The following BACH2 variants were observed in gnomAD, a reference collection of about 807,000 sequenced individuals.
BACH2 encodes transcription regulator protein BACH2.
BACH2 carries 5 observed loss-of-function variants against 61.8 expected under a neutral mutation model. That is an observed-to-expected ratio of 0.08 (90% CI 0.04 to 0.17). BACH2 has a LOEUF of 0.17. Among genes scored for constraint, BACH2 ranks in the 10% least tolerant of loss-of-function variants. BACH2 has a pLI of 1.00. For missense variants in BACH2, 824 were observed against 1,091.1 expected (o/e 0.76, Z 3.45); for synonymous variants, 446 against 440.1 (o/e 1.01, Z -0.17).
At chr6:90,262,250 T>C (rs892363467) in intron 2 of BACH2, among the ~76,000 whole-genome samples, 3 of 152,246 alleles carry the variant, frequency 2.0e-5, no homozygotes, top group East Asian at 3.8e-4. Flanking sequence ...TGGCCTTGTA[T>C]GGGCTCTTTG....
intron 8 of BACH2, 96 bp from the exon 9 acceptor site, chr6:89,932,986 C>T: frequency 1.5e-6 from 2 of 1,331,302 alleles, no homozygotes; most frequent in Non-Finnish European, 2.0e-6. Context: ...TTTGCATCCT[C>T]CATTATAATG....
intron 5 of BACH2, among the ~76,000 whole-genome samples, chr6:90,056,617 C>A (rs1255398988): frequency 2.6e-5 from 4 of 152,036 alleles, no homozygotes; most frequent in Admixed American, 6.5e-5. Flanking sequence ...CTGCACCAAG[C>A]GGACCTAATA....
chr6:90,116,385 T>C (rs1265737923), intron 4 of BACH2, among the ~76,000 whole-genome samples: 2 of 152,136 alleles, frequency 1.3e-5, no homozygotes, highest in Non-Finnish European at 2.9e-5. Flanking sequence ...AGCAAACTTA[T>C]GCAGGAACAG....
intron 5 of BACH2, among the ~76,000 whole-genome samples, chr6:90,054,923 G>T (rs559019158): frequency 1.3e-5 from 2 of 152,208 alleles, no homozygotes; most frequent in Non-Finnish European, 2.9e-5. Flanking sequence ...CTGTCTGTTA[G>T]AAGGAAAACT....
chr6:90,258,142 G>A (rs1331661310), intron 2 of BACH2, among the ~76,000 whole-genome samples: 1 of 152,080 alleles, frequency 6.6e-6, no homozygotes, highest in Non-Finnish European at 1.5e-5. Flanking sequence ...GACTACCAAC[G>A]CCAATGTCCA....
chr6:90,066,867 C>G (rs1278588277), intron 5 of BACH2, among the ~76,000 whole-genome samples: 1 of 152,174 alleles, frequency 6.6e-6, no homozygotes, highest in Non-Finnish European at 1.5e-5. Flanking sequence ...ACACACACAG[C>G]CTTAGAGCCG....
Position 89,932,456 on chromosome 6 carries a change from C to G in BACH2, c.2478G>C (p.Met826Ile). Residue 826 changes from methionine to isoleucine, a missense_variant, in exon 9 of 9, where the codon ATG becomes ATC. Physicochemically the swap from Met to Ile is conservative, Grantham distance 10 (BLOSUM62 1). Transcript: ENST00000257749. The part of the protein sequence containing the change: ...QTVTVDFCQE[M>I]TDKCTTDEQP... ...GTTCGTCAGTTGTACACTTATCAGTCATTTCCTGGCAGAAGTCCACGGTCA... is the reference window on the plus strand; with the variant it reads ...GTTCGTCAGTTGTACACTTATCAGTGATTTCCTGGCAGAAGTCCACGGTCA... 1 of 1,614,138 alleles carries G rather than the reference C, an allele frequency of 6.2e-7. No individual in the cohort carries two copies. The highest frequency in any genetic ancestry group is 8.5e-7 in the Non-Finnish European group (1 of 1,180,022).
chr6:90,261,166 C>T (rs947376245), intron 2 of BACH2, among the ~76,000 whole-genome samples: 1 of 152,178 alleles, frequency 6.6e-6, no homozygotes, highest in Non-Finnish European at 1.5e-5. Flanking sequence ...CATATCCACA[C>T]CCAGTCTTTC....
At chr6:90,203,891 A>C (rs565540337) in intron 4 of BACH2, among the ~76,000 whole-genome samples, 14 of 152,242 alleles carry the variant, frequency 9.2e-5, no homozygotes, top group African/African-American at 2.9e-4. Flanking sequence ...TGGCACAGAT[A>C]GGAGTTCAAG....
intron 2 of BACH2, among the ~76,000 whole-genome samples, chr6:90,260,940 A>G (rs930015014): frequency 2.0e-5 from 3 of 152,208 alleles, no homozygotes; most frequent in Admixed American, 6.5e-5. Context: ...CCTGTGTCCC[A>G]CAGGAATGAG....
rs372176758 is a variant in BACH2, at chr6:90,005,412, C to T, written c.243+3190G>A. Among the ~76,000 whole-genome samples, 6 of 152,156 alleles carry T rather than the reference C, an allele frequency of 3.9e-5. No individual in the cohort carries two copies. The East Asian group carries it at 1.2e-3, about 29-fold the overall frequency. ...ATGAGGTTTAAAGATTTCCAAGGAG[C>T]TAATCTAATGGTTTTTCTTATATCC... On this transcript the variant is annotated intron_variant, in intron 6 of 8. Coordinates refer to ENST00000257749, the MANE Select transcript of BACH2 (RefSeq NM_021813.4).
chr6:89,934,163 T>A (rs1028591292), intron 8 of BACH2, among the ~76,000 whole-genome samples: 8 of 152,180 alleles, frequency 5.3e-5, no homozygotes, highest in Middle Eastern at 3.4e-3. Context: ...AAAAGTGCAG[T>A]CTGGAGCAGC....
chr6:90,286,631 T>C (rs1276143918), intron 1 of BACH2, among the ~76,000 whole-genome samples: 1 of 152,214 alleles, frequency 6.6e-6, no homozygotes, highest in African/African-American at 2.4e-5. Context: ...AATGTCTAAC[T>C]ACAGGAGGAT....
At chr6:90,102,995 T>C (rs1272008654) in intron 4 of BACH2, among the ~76,000 whole-genome samples, 6 of 123,766 alleles carry the variant, frequency 4.8e-5, no homozygotes, top group African/African-American at 2.0e-4. Context: ...ACTGCTAAAT[T>C]TGACACAATA....
chr6:90,086,421 TATTTA>T (rs2127806702), intron 5 of BACH2, among the ~76,000 whole-genome samples: 1 of 152,328 alleles, frequency 6.6e-6, no homozygotes, highest in Admixed American at 6.5e-5. Context: ...TACTGTTTAG[TATTTA>T]ATTTTTTAAA....
chr6:90,212,030 A>G (rs1191835871), intron 3 of BACH2, among the ~76,000 whole-genome samples: 1 of 152,144 alleles, frequency 6.6e-6, no homozygotes, highest in Non-Finnish European at 1.5e-5. Context: ...CCGGCTCTGA[A>G]GTCTAGAAAA....
chr6:90,262,167 T>TC (rs905321148), intron 2 of BACH2, among the ~76,000 whole-genome samples: 1 of 152,204 alleles, frequency 6.6e-6, no homozygotes, highest in Non-Finnish European at 1.5e-5. Flanking sequence ...CACTACCTTC[T>TC]CCATGTTCCC....
intron 5 of BACH2, among the ~76,000 whole-genome samples, chr6:90,061,013 T>C (rs1474397660): frequency 6.6e-6 from 1 of 152,220 alleles, no homozygotes; most frequent in Non-Finnish European, 1.5e-5. Context: ...GCAACAGAGA[T>C]ATCCTTTGGA....
intron 7 of BACH2, among the ~76,000 whole-genome samples, chr6:89,946,773 GA>G (rs1562314634): frequency 6.6e-6 from 1 of 152,170 alleles, no homozygotes; most frequent in Non-Finnish European, 1.5e-5. Context: ...TGTAGGCAAA[GA>G]GAAAGCCTGT....
Sources: gnomAD v4.1 joint callset for allele counts (sites outside exome capture counted in the v4.1 genomes callset) on GRCh38, gnomAD v4.1.1 for gene constraint, MANE v1.5 for transcripts, NCBI Gene and HGNC (gene_info 2026-07-23, HGNC 2026-07-21) for gene names.